Variants in C18orf54 observed in about 807,000 individuals in gnomAD.
The protein encoded by C18orf54 is chromosome 18 open reading frame 54, also known as lung adenoma susceptibility protein 2.
A neutral mutation model predicts 49.3 loss-of-function variants in C18orf54; 49 were observed. That is an observed-to-expected ratio of 0.99 (90% confidence interval 0.79 to 1.26). C18orf54 has a LOEUF of 1.26. C18orf54 is among the 50% of genes most tolerant of loss of function. The pLI is 0.00. For missense variants in C18orf54, 687 were observed against 620.6 expected (o/e 1.11, Z -1.14); for synonymous variants, 211 against 216.6 (o/e 0.97, Z 0.23).
chr18:54,377,842 A>C (rs1324586456), intron 8 of C18orf54, among the ~76,000 whole-genome samples: 1 of 152,228 alleles, frequency 6.6e-6, no homozygotes, highest in Non-Finnish European at 1.5e-5. Flanking sequence ...GCTGTAGTGA[A>C]AATTACTTGA....
rs34057877 is a variant in C18orf54 at position 54,381,336 on chromosome 18, GT to G, written c.*3092del. 113,176 of 151,988 alleles carry G rather than the reference GT, an allele frequency of 0.74. 42,556 individuals carry two copies. Among genetic ancestry groups the G allele is most frequent in the African/African-American group, 0.86 (35,776 of 41,502 alleles). 9.4% of individuals were successfully genotyped at this position (151,988 alleles called of 1,614,324 possible). A position where few individuals can be genotyped will look rare whatever the true frequency, so the allele number is the denominator to read the frequency against. Reference sequence around the variant, plus strand: ...CTTACCCTAGATCAGCCCCTTCTGTGTTAACAGTTTTTCTCACAATGTAGCA... The same window carrying G: ...CTTACCCTAGATCAGCCCCTTCTGTGTAACAGTTTTTCTCACAATGTAGCA... On this transcript the variant is annotated 3_prime_UTR_variant, in exon 9 of 9. Transcript: ENST00000620105.
intron 8 of C18orf54, among the ~76,000 whole-genome samples, chr18:54,377,332 C>T (rs923237220): frequency 3.9e-5 from 6 of 152,148 alleles, no homozygotes; most frequent in African/African-American, 1.2e-4. Flanking sequence ...GGATTACAGG[C>T]GTGAGCCACT....
chr18:54,368,829 T>C (rs547621667), intron 6 of C18orf54, among the ~76,000 whole-genome samples: 3 of 152,262 alleles, frequency 2.0e-5, no homozygotes, highest in African/African-American at 7.2e-5. Context: ...AAAACTATCT[T>C]TATATTTGTT....
At chr18:54,371,581 T>C (rs895268262) in intron 6 of C18orf54, among the ~76,000 whole-genome samples, 5 of 152,142 alleles carry the variant, frequency 3.3e-5, no homozygotes, top group African/African-American at 1.2e-4. Flanking sequence ...TTTTCTACAA[T>C]GGCTATAGCA....
At chr18:54,363,081 A>G (rs947170870) in intron 5 of C18orf54, among the ~76,000 whole-genome samples, 160 bp downstream of exon 5, 5 of 152,226 alleles carry the variant, frequency 3.3e-5, no homozygotes, top group African/African-American at 1.2e-4. Context: ...ATTTATTACC[A>G]CAAGATGGTA....
chr18:54,379,790 T>A lies in C18orf54; in HGVS notation c.*1544T>A, dbSNP rs768106402. The A allele has an allele frequency of 6.6e-6, 1 of 151,914 alleles. No individual in the cohort carries two copies. The highest frequency in any genetic ancestry group is 1.5e-5 in the Non-Finnish European group (1 of 67,896). 9.4% of individuals were successfully genotyped at this position (151,914 alleles called of 1,614,324 possible). ...TAGAAAAATACACTATTAGACAAGT[T>A]CTAAAGAAGGCAAGGAGATAAAGGC... On this transcript the variant is annotated 3_prime_UTR_variant, in exon 9 of 9. Transcript: ENST00000620105.
chr18:54,363,072 T>A (rs1347731487), intron 5 of C18orf54, 151 bp downstream of exon 5: 3 of 733,978 alleles, frequency 4.1e-6, no homozygotes, highest in Non-Finnish European at 6.4e-6. Flanking sequence ...GCATTTTTCA[T>A]TTATTACCAC....
At chr18:54,377,738 G>C (rs528155343) in intron 8 of C18orf54, among the ~76,000 whole-genome samples, 2 of 152,202 alleles carry the variant, frequency 1.3e-5, no homozygotes, top group Non-Finnish European at 1.5e-5. Flanking sequence ...TTAAAAAATA[G>C]CTATCTTGAA....
At position 54,373,997 on chromosome 18, in the gene C18orf54, A is replaced by G. The variant is rs140599932; in HGVS notation, c.1459-217A>G. ...CGAAGACTTGATTTTTAATGGACAT[A>G]TGTGTAGAAGTATACTTTAGGACAG... On this transcript the variant is annotated intron_variant, in intron 7 of 8. Transcript: ENST00000620105. Among the ~76,000 whole-genome samples the G allele has an allele frequency of 1.4e-4, 22 of 152,018 alleles. No homozygotes were observed. In the East Asian group the frequency reaches 3.7e-3, roughly 25 times the overall value.
intron 2 of C18orf54, among the ~76,000 whole-genome samples, chr18:54,360,188 A>G (rs1400155517): frequency 6.6e-6 from 1 of 152,216 alleles, no homozygotes; most frequent in African/African-American, 2.4e-5. Flanking sequence ...GTCATAGAAT[A>G]TATCACCATA....
intron 5 of C18orf54, among the ~76,000 whole-genome samples, chr18:54,363,242 A>G (rs2089308009): frequency 1.3e-5 from 2 of 152,028 alleles, no homozygotes. Flanking sequence ...AATTCTTGTT[A>G]TTTTCTTCTG....
intron 3 of C18orf54, 147 bp downstream of exon 3, chr18:54,361,002 AT>A: frequency 1.3e-6 from 1 of 765,960 alleles, no homozygotes; most frequent in Non-Finnish European, 2.1e-6. Context: ...TTGTAAAATG[AT>A]TATATAATTC....
rs2144766662 is a variant in C18orf54 at position 54,380,692 on chromosome 18, G to A, written c.*2446G>A. On this transcript the variant is annotated 3_prime_UTR_variant, in exon 9 of 9. Coordinates refer to ENST00000620105, the MANE Select transcript of C18orf54 (RefSeq NM_001288980.2). ...TGAAATTTATAATTGTAGGTTTTTT[G>A]TATTGTTTTAGTATTTAATGGTGTA... is the stretch of plus-strand genomic sequence containing the variant. The A allele has an allele frequency of 1.3e-5, 2 of 152,074 alleles. No homozygotes were observed. The highest frequency in any genetic ancestry group is 1.9e-4 in the East Asian group (1 of 5,174). 9.4% of individuals were successfully genotyped at this position (152,074 alleles called of 1,614,324 possible). A position where few individuals can be genotyped will look rare whatever the true frequency, so the allele number is the denominator to read the frequency against.
intron 6 of C18orf54, among the ~76,000 whole-genome samples, chr18:54,370,942 GTT>G (rs35364198): frequency 2.4e-4 from 35 of 143,928 alleles, no homozygotes; most frequent in African/African-American, 4.1e-4. Flanking sequence ...CTTTTACCCT[GTT>G]TTTTTTTTTT....
At chr18:54,373,683 A>G (rs1044079530) in intron 7 of C18orf54, among the ~76,000 whole-genome samples, 1 of 151,846 alleles carries the variant, frequency 6.6e-6, no homozygotes, top group Non-Finnish European at 1.5e-5. Flanking sequence ...GAGACAAACT[A>G]TATAAAGTAC....
At chr18:54,359,513 T>C (rs2089217359) in intron 2 of C18orf54, among the ~76,000 whole-genome samples, 4 of 152,246 alleles carry the variant, frequency 2.6e-5, no homozygotes, top group African/African-American at 7.2e-5. Context: ...TAGAAAACTT[T>C]CGATGTTTTA....
chr18:54,362,795 T>C lies in C18orf54; in HGVS notation c.1097T>C (p.Leu366Ser). The stretch of plus-strand genomic sequence containing the variant: ...GGTGACAAAATTGAATTGCTTATCT[T>C]GAAGGCCAAGAGAAATCTAGAGCAG... ...FSGDKIELLI[L>S]KAKRNLEQCT... The change falls in exon 5 of 9, where the codon TTG becomes TCG. Residue 366 changes from leucine (L) to serine (S), a missense_variant. Leu to Ser is a moderately radical substitution (Grantham distance 145). Coordinates refer to ENST00000620105, the MANE Select transcript of C18orf54 (RefSeq NM_001288980.2). 1 of 1,607,076 alleles carries C rather than the reference T, an allele frequency of 6.2e-7. No homozygotes were observed. Among genetic ancestry groups the C allele is most frequent in the Non-Finnish European group, 8.5e-7 (1 of 1,178,544 alleles).
At chr18:54,359,711 C>T (rs1477220927) in intron 2 of C18orf54, among the ~76,000 whole-genome samples, 2 of 152,044 alleles carry the variant, frequency 1.3e-5, no homozygotes, top group Non-Finnish European at 2.9e-5. Flanking sequence ...TGAATTAGTG[C>T]CGGTTCGTTC....
At chr18:54,367,536 T>C (rs1218037903) in intron 6 of C18orf54, among the ~76,000 whole-genome samples, 1 of 29,332 alleles carries the variant, frequency 3.4e-5, no homozygotes, top group Non-Finnish European at 5.4e-5. Context: ...GCCCTTTGAA[T>C]GTATCATCCA....
Sources: gnomAD v4.1 joint callset for allele counts (sites outside exome capture counted in the v4.1 genomes callset) on GRCh38, gnomAD v4.1.1 for gene constraint, MANE v1.5 for transcripts, NCBI Gene and HGNC (gene_info 2026-07-23, HGNC 2026-07-21) for gene names.